MIER3: variants seen among roughly 807,000 people sequenced by gnomAD.
MIER3 encodes the protein mesoderm induction early response protein 3.
A neutral mutation model predicts 63.2 loss-of-function variants in MIER3; 9 were observed. The ratio of observed to expected loss-of-function variants is 0.14; its 90% confidence interval spans 0.09 to 0.25. MIER3 has a LOEUF of 0.25. Among genes scored for constraint, MIER3 ranks in the 10% least tolerant of loss-of-function variants. The pLI, the probability that MIER3 is intolerant of heterozygous loss-of-function variation, is 1.00. For synonymous variants in MIER3, 205 were observed against 224.9 expected, an observed-to-expected ratio of 0.91 and a Z score of 0.79; for missense variants, 512 against 666.2, an observed-to-expected ratio of 0.77 and a Z score of 2.55.
chr5:56,928,787 G>T lies in MIER3; in HGVS notation c.904C>A (p.His302Asn). Residue 302 changes from histidine to asparagine, a missense_variant, in exon 10 of 13, where the codon CAT (histidine) becomes AAT (asparagine). By Grantham distance (68) the His-to-Asn change is moderately conservative (BLOSUM62 1). Around this residue, in one of 5 missense-constraint regions of MIER3, gnomAD observed 34 missense variants for 86.3 expected, o/e 0.39. Coordinates refer to ENST00000381199, the MANE Select transcript of MIER3 (RefSeq NM_001297599.2). Reference sequence around the variant, plus strand: ...TTTACCTTATTCTTCTGTATAAGATGAAAATCTTTTCCAAAAAGCATGAGT... The same window carrying T: ...TTTACCTTATTCTTCTGTATAAGATTAAAATCTTTTCCAAAAAGCATGAGT... ...HALMLFGKDF[H>N]LIQKNKVRTR... 1 of 1,612,916 alleles carries T rather than the reference G, an allele frequency of 6.2e-7. No homozygotes were observed. The highest frequency in any genetic ancestry group is 1.1e-5 in the South Asian group (1 of 90,956).
In MIER3 at chr5:56,930,566, G is replaced by C. The variant is rs1750224967; in HGVS notation, c.829+98C>G. On this transcript the variant is annotated intron_variant, in intron 9 of 12. Coordinates refer to ENST00000381199, the MANE Select transcript of MIER3 (RefSeq NM_001297599.2). ...GAGCTGAACCAGATCTTACAAAAGT[G>C]TTACAGGATTGCTCTGTCCCTTAGG... 4 of 957,212 alleles carry C rather than the reference G, an allele frequency of 4.2e-6. No individual in the cohort carries two copies. The South Asian group carries it at 5.3e-5, about 13-fold the overall frequency. 59.3% of individuals were successfully genotyped at this position (957,212 alleles called of 1,614,324 possible). A position where few individuals can be genotyped will look rare whatever the true frequency, so the allele number is the denominator to read the frequency against.
intron 10 of MIER3, among the ~76,000 whole-genome samples, chr5:56,925,930 A>G (rs867519953): frequency 1.3e-5 from 2 of 152,170 alleles, no homozygotes; most frequent in Admixed American, 6.5e-5. Flanking sequence ...GAGAGAGCCC[A>G]GAAATACACC....
intron 3 of MIER3, among the ~76,000 whole-genome samples, chr5:56,940,461 AG>A (rs1299187031): frequency 6.6e-6 from 1 of 152,242 alleles, no homozygotes; most frequent in East Asian, 1.9e-4. Context: ...CAGGGCCCAC[AG>A]GGGATGCAAA....
intron 9 of MIER3, among the ~76,000 whole-genome samples, chr5:56,929,824 A>G (rs1463586026): frequency 1.3e-5 from 2 of 152,136 alleles, no homozygotes; most frequent in Non-Finnish European, 2.9e-5. Context: ...AAGATTAGTT[A>G]TTACTCATCT....
At chr5:56,952,069 G>T in intron 1 of MIER3, 25 bp downstream of exon 1, 1 of 1,293,824 alleles carries the variant, frequency 7.7e-7, no homozygotes, top group Non-Finnish European at 1.0e-6. Flanking sequence ...CAGCCCGGCT[G>T]CTCCTGCCCG....
rs1291592114 is a variant in MIER3, at chr5:56,937,576, A to G, written c.436+2T>C. On this transcript the variant is annotated splice_donor_variant, in intron 5 of 12. Transcript: ENST00000381199. LOFTEE classifies it high-confidence loss of function. ...TTATCAGTAATCCACTGGGTTTCTT[A>G]CATCGTAAAGGCCTAGGGAAGAAAT... is the stretch of plus-strand genomic sequence containing the variant. The G allele has an allele frequency of 6.2e-7, 1 of 1,602,478 alleles. No homozygotes were observed. Among genetic ancestry groups the G allele is most frequent in the Non-Finnish European group, 8.5e-7 (1 of 1,173,912 alleles).
chr5:56,930,605 T>C, intron 9 of MIER3, 59 bp downstream of exon 9: 1 of 1,419,764 alleles, frequency 7.0e-7, no homozygotes, highest in Non-Finnish European at 1.0e-6. Context: ...CTTTGCTTAT[T>C]CTGATCCCCA....
At chr5:56,928,982 C>T (rs780892452) in intron 9 of MIER3, 121 bp from the exon 10 acceptor site, 1 of 499,470 alleles carries the variant, frequency 2.0e-6, no homozygotes, top group Non-Finnish European at 3.5e-6. Flanking sequence ...CACACACACA[C>T]TCTCTCTCTC....
At position 56,921,782 on chromosome 5, in the gene MIER3, A is replaced by T. The variant is rs1414665664; in HGVS notation, c.*1346T>A. ...AATTTTAATTAAGACGGTGCAAACA[A>T]CATAATTCTCTATTTTAACAGTACT... is the stretch of plus-strand genomic sequence containing the variant. On this transcript the variant is annotated 3_prime_UTR_variant, in exon 13 of 13. Coordinates refer to ENST00000381199, the MANE Select transcript of MIER3 (RefSeq NM_001297599.2). 1.3e-5 allele frequency: 2 copies of T among 152,674 alleles called. No individual in the cohort carries two copies. The highest frequency in any genetic ancestry group is 4.8e-5 in the African/African-American group (2 of 41,478). The allele number at this position is 152,674 out of a possible 1,614,324, so 9.5% of individuals were successfully genotyped here.
chr5:56,943,255 T>C (rs1476229483), intron 3 of MIER3, among the ~76,000 whole-genome samples: 1 of 148,476 alleles, frequency 6.7e-6, no homozygotes, highest in African/African-American at 2.5e-5. Context: ...AAAAGGAGAG[T>C]GACTGAGGGC....
At position 56,919,869 on chromosome 5, in the gene MIER3, C is replaced by CTAA. The variant is rs1037984461; in HGVS notation, c.*3256_*3258dup. 1.3e-5 allele frequency: 2 copies of CTAA among 152,516 alleles called. No individual in the cohort carries two copies. The highest frequency in any genetic ancestry group is 4.8e-5 in the African/African-American group (2 of 41,432). The allele number at this position is 152,516 out of a possible 1,614,324, so 9.4% of individuals were successfully genotyped here. A position where few individuals can be genotyped will look rare whatever the true frequency, so the allele number is the denominator to read the frequency against. ...ATATCTACCATATTTAACAATAAAA[C>CTAA]TAATAGTTTCCTCCATTTAGTGAAA... On this transcript the variant is annotated 3_prime_UTR_variant, in exon 13 of 13. Coordinates refer to ENST00000381199, the MANE Select transcript of MIER3 (RefSeq NM_001297599.2).
At position 56,934,544 on chromosome 5, in the gene MIER3, G is replaced by A. The variant is rs145130631; in HGVS notation, c.595+884C>T. 4.3e-3 allele frequency among the ~76,000 whole-genome samples: 648 copies of A among 152,286 alleles called. 2 individuals carry two copies. Among genetic ancestry groups the A allele is most frequent in the African/African-American group, 0.014 (584 of 41,556 alleles). The stretch of plus-strand genomic sequence containing the variant: ...AAGTGTGGCATTTGGGTGGTGAGGT[G>A]AGAAGGCTGGCACATCTGAACATCA... On this transcript the variant is annotated intron_variant, in intron 7 of 12. Transcript: ENST00000381199.
Position 56,930,758 on chromosome 5 carries a change from T to G in MIER3, c.748-13A>C, listed in dbSNP as rs376956708. Reference sequence around the variant, plus strand: ...GTTCATATAATGCCTGGGATGGATATTCAATAAAAAGTATTAAAAGTTCAT... The same window carrying G: ...GTTCATATAATGCCTGGGATGGATAGTCAATAAAAAGTATTAAAAGTTCAT... On this transcript the variant is annotated splice_polypyrimidine_tract_variant and intron_variant, in intron 8 of 12. Coordinates refer to ENST00000381199, the MANE Select transcript of MIER3 (RefSeq NM_001297599.2). 4 of 1,606,548 alleles carry G rather than the reference T, an allele frequency of 2.5e-6. No individual in the cohort carries two copies. Among genetic ancestry groups the G allele is most frequent in the Non-Finnish European group, 3.4e-6 (4 of 1,173,778 alleles).
At chr5:56,929,005 A>ACACACT (rs777014337) in intron 9 of MIER3, 144 bp from the exon 10 acceptor site, 93 of 510,750 alleles carry the variant, frequency 1.8e-4, no homozygotes, top group South Asian at 5.5e-4. Flanking sequence ...ACACACACAC[A>ACACACT]CTCTCTCTCT....
intron 10 of MIER3, among the ~76,000 whole-genome samples, chr5:56,924,984 A>G (rs1749891934): frequency 6.6e-6 from 1 of 152,222 alleles, no homozygotes; most frequent in Non-Finnish European, 1.5e-5. Context: ...GTGGGGCTAC[A>G]GACCTTTTCT....
intron 5 of MIER3, among the ~76,000 whole-genome samples, chr5:56,936,112 G>A (rs959138955): frequency 2.6e-5 from 4 of 152,062 alleles, no homozygotes; most frequent in African/African-American, 7.2e-5. Context: ...AGCTACTCGG[G>A]AGGCTGAGGC....
chr5:56,943,771 G>A lies in MIER3; in HGVS notation c.180+3155C>T, dbSNP rs538730470. ...AAACAATTTTTTCAAAATTGAATTA[G>A]TAAGTCTCAAAGTCTGTAAGGATCT... On this transcript the variant is annotated intron_variant, in intron 3 of 12. Coordinates refer to ENST00000381199, the MANE Select transcript of MIER3 (RefSeq NM_001297599.2). 6.2e-4 allele frequency among the ~76,000 whole-genome samples: 95 copies of A among 152,300 alleles called. 1 individual carries two copies. In the South Asian group the frequency reaches 0.018, roughly 29 times the overall value.
intron 8 of MIER3, among the ~76,000 whole-genome samples, chr5:56,931,944 A>T (rs1319097423): frequency 1.3e-5 from 2 of 152,198 alleles, no homozygotes; most frequent in Non-Finnish European, 2.9e-5. Flanking sequence ...TCAACAGTTT[A>T]AGATACATTT....
At chr5:56,941,765 A>T (rs1450932637) in intron 3 of MIER3, among the ~76,000 whole-genome samples, 3 of 152,188 alleles carry the variant, frequency 2.0e-5, no homozygotes, top group Admixed American at 2.0e-4. Context: ...TGCATGAAGA[A>T]AAGTTAAGAA....
Sources: gnomAD v4.1 joint callset for allele counts (sites outside exome capture counted in the v4.1 genomes callset) on GRCh38, gnomAD v4.1.1 for gene constraint, gnomAD v4.1.1 regional missense constraint, MANE v1.5 for transcripts, NCBI Gene and HGNC (gene_info 2026-07-23, HGNC 2026-07-21) for gene names.